The following DCC variants were observed in gnomAD, a reference collection of about 807,000 sequenced individuals.
The protein encoded by DCC is DCC netrin 1 receptor.
In DCC, 58 loss-of-function variants were observed where a neutral mutation model predicts 172.5. The ratio of observed to expected loss-of-function variants is 0.34; its 90% CI spans 0.27 to 0.42. The LOEUF (loss-of-function observed/expected upper bound fraction) is 0.42, where lower values mean the gene tolerates loss of function less well. Ranked by LOEUF, DCC falls within the 10% of genes least tolerant of loss-of-function variation. The pLI is 1.00. For missense variants in DCC, 1,740 were observed against 1,791.0 expected (o/e 0.97, Z 0.51); for synonymous variants, 709 against 644.5 (o/e 1.10, Z -1.52).
intron 2 of DCC, among the ~76,000 whole-genome samples, chr18:52,780,827 C>A (rs1407494515): frequency 6.6e-6 from 1 of 152,074 alleles, no homozygotes. Context: ...AATTTCCAAG[C>A]TGCCATACTT....
At chr18:53,467,599 A>G (rs1440777666) in intron 24 of DCC, among the ~76,000 whole-genome samples, 1 of 152,232 alleles carries the variant, frequency 6.6e-6, no homozygotes, top group African/African-American at 2.4e-5. Context: ...GCATGATATA[A>G]TGCCATTTTT....
chr18:52,694,901 G>C (rs2145020393), intron 1 of DCC, among the ~76,000 whole-genome samples: 1 of 152,292 alleles, frequency 6.6e-6, no homozygotes, highest in Admixed American at 6.5e-5. Context: ...ACAAGTGGTA[G>C]AAGTCTTAAG....
intron 1 of DCC, among the ~76,000 whole-genome samples, chr18:52,558,934 T>C (rs1172790387): frequency 4.6e-5 from 7 of 152,014 alleles, no homozygotes; most frequent in South Asian, 2.1e-4. Context: ...GAAACCGAGG[T>C]TGGGACGGGT....
chr18:53,404,408 A>T (rs145973723), intron 19 of DCC, among the ~76,000 whole-genome samples: 278 of 91,122 alleles, frequency 3.1e-3, no homozygotes, highest in African/African-American at 8.1e-3. Flanking sequence ...TCAGGAAAAA[A>T]AAAAAAATAG....
At chr18:53,117,649 A>G (rs1007762181) in intron 7 of DCC, among the ~76,000 whole-genome samples, 1 of 151,530 alleles carries the variant, frequency 6.6e-6, no homozygotes, top group Non-Finnish European at 1.5e-5. Context: ...CGCTTTTTCA[A>G]TTAAAAAATT....
chr18:52,627,279 G>C (rs1937174656), intron 1 of DCC, among the ~76,000 whole-genome samples: 1 of 152,116 alleles, frequency 6.6e-6, no homozygotes, highest in African/African-American at 2.4e-5. Context: ...CAAAGGTAAA[G>C]ACTTGGTCTG....
At chr18:52,940,750 A>G (rs924848189) in intron 5 of DCC, among the ~76,000 whole-genome samples, 2 of 152,214 alleles carry the variant, frequency 1.3e-5, no homozygotes, top group African/African-American at 4.8e-5. Flanking sequence ...TCTAGAAGAA[A>G]AGATATCTTA....
intron 15 of DCC, among the ~76,000 whole-genome samples, chr18:53,385,013 AT>A (rs1908054499): frequency 8.7e-6 from 1 of 114,640 alleles, no homozygotes; most frequent in Non-Finnish European, 1.8e-5. Flanking sequence ...TGCCCGGCTA[AT>A]TTTTTTCTTT....
chr18:52,615,960 T>A (rs377138618), intron 1 of DCC, among the ~76,000 whole-genome samples: 69 of 152,274 alleles, frequency 4.5e-4, no homozygotes, highest in African/African-American at 1.6e-3. Flanking sequence ...AAAGGTGAGA[T>A]TTTATATATA....
intron 1 of DCC, among the ~76,000 whole-genome samples, chr18:52,437,481 G>T (rs995591149): frequency 6.6e-5 from 10 of 152,158 alleles, no homozygotes; most frequent in Non-Finnish European, 1.0e-4. Flanking sequence ...TAGTGAAAAG[G>T]TTGAGGGGCA....
intron 5 of DCC, among the ~76,000 whole-genome samples, chr18:53,057,079 TAAAAAAAA>T (rs11316527): frequency 5.6e-5 from 5 of 89,324 alleles, no homozygotes; most frequent in Non-Finnish European, 8.6e-5. Context: ...CTTCTAAAAG[TAAAAAAAA>T]AAAAAAAAAA....
In DCC at chr18:53,535,172, G is replaced by A. The variant is rs2046562350; in HGVS notation, c.*4519G>A. ...TTGGGGGAAGGGTGGGCGGGTATGG[G>A]GTGTACTTTTTATAAGTAATATTTA... On this transcript the variant is annotated 3_prime_UTR_variant, in exon 29 of 29. Coordinates refer to ENST00000442544, the MANE Select transcript of DCC (RefSeq NM_005215.4). 6.6e-6 allele frequency: 1 copy of A among 151,736 alleles called. No homozygotes were observed. Among genetic ancestry groups the A allele is most frequent in the Non-Finnish European group, 1.5e-5 (1 of 67,960 alleles). The allele number at this position is 151,736 out of a possible 1,614,324, so 9.4% of individuals were successfully genotyped here. A position where few individuals can be genotyped will look rare whatever the true frequency, so the allele number is the denominator to read the frequency against.
At chr18:52,363,131 C>T (rs1385016572) in intron 1 of DCC, among the ~76,000 whole-genome samples, 1 of 152,134 alleles carries the variant, frequency 6.6e-6, no homozygotes, top group African/African-American at 2.4e-5. Context: ...GCCACCTCAG[C>T]CTCCCAAAGT....
chr18:53,395,663 G>A (rs1235227330), intron 17 of DCC, among the ~76,000 whole-genome samples: 3 of 152,244 alleles, frequency 2.0e-5, no homozygotes, highest in Admixed American at 2.0e-4. Context: ...TTATTTTTAA[G>A]ATGGAGTCTC....
rs139542628 is a variant in DCC, at chr18:52,423,253, G to C, written c.91+82375G>C. 3.2e-4 allele frequency among the ~76,000 whole-genome samples: 49 copies of C among 152,258 alleles called. No homozygotes were observed. The South Asian group carries it at 0.01, about 32-fold the overall frequency. On this transcript the variant is annotated intron_variant, in intron 1 of 28. Transcript: ENST00000442544. ...AAACCTATGCAGGGCACTATCGGCT[G>C]TATACACAAGTGCAGAAAAACAATG...
At chr18:52,697,870 G>T (rs2036039640) in intron 1 of DCC, among the ~76,000 whole-genome samples, 1 of 152,164 alleles carries the variant, frequency 6.6e-6, no homozygotes, top group South Asian at 2.1e-4. Context: ...GGATTTAACA[G>T]ACATCTTCTT....
chr18:53,229,295 G>C (rs929522250), intron 12 of DCC, among the ~76,000 whole-genome samples: 5 of 152,104 alleles, frequency 3.3e-5, no homozygotes, highest in Non-Finnish European at 5.9e-5. Context: ...TGGGGTACTG[G>C]AGCCAGGTTG....
chr18:53,119,624 T>TA (rs772223124), intron 7 of DCC, among the ~76,000 whole-genome samples: 80 of 151,918 alleles, frequency 5.3e-4, no homozygotes, highest in Non-Finnish European at 1.0e-3. Context: ...AGGTATGTGA[T>TA]AAAGCTATTT....
At chr18:52,746,349 A>G (rs556149295) in intron 1 of DCC, among the ~76,000 whole-genome samples, 5 of 152,322 alleles carry the variant, frequency 3.3e-5, no homozygotes, top group African/African-American at 1.2e-4. Context: ...GGGGATTTGT[A>G]TGACATTTTC....
Sources: gnomAD v4.1 joint callset for allele counts (sites outside exome capture counted in the v4.1 genomes callset) on GRCh38, gnomAD v4.1.1 for gene constraint, MANE v1.5 for transcripts, NCBI Gene and HGNC (gene_info 2026-07-23, HGNC 2026-07-21) for gene names.